METTL24: variants seen among roughly 807,000 people sequenced by gnomAD.
The protein encoded by METTL24 is probable methyltransferase-like protein 24.
In METTL24, 29 loss-of-function variants were observed where a neutral mutation model predicts 32.7. That is an observed-to-expected ratio of 0.89 (90% CI 0.66 to 1.21). The LOEUF is 1.21. Among genes scored for constraint, METTL24 ranks in the 50% most tolerant of loss-of-function variants. The pLI is 0.00. For synonymous variants in METTL24, 163 were observed against 179.5 expected (o/e 0.91, Z 0.73); for missense variants, 439 against 468.1 (o/e 0.94, Z 0.57).
At chr6:110,277,876 AC>A (rs1771073837) in intron 4 of METTL24, among the ~76,000 whole-genome samples, 1 of 152,108 alleles carries the variant, frequency 6.6e-6, no homozygotes, top group South Asian at 2.1e-4. Flanking sequence ...ATTCCAGCTT[AC>A]CCCCAAACAT....
chr6:110,307,485 T>C lies in METTL24; in HGVS notation c.557+7857A>G, dbSNP rs112465851. ...AGATCATATGGCTTCCATCTCAAGG[T>C]CTTAGACAACTAGTCCATTTTTTGC... On this transcript the variant is annotated intron_variant, in intron 3 of 4. Coordinates refer to ENST00000338882, the MANE Select transcript of METTL24 (RefSeq NM_001123364.3). Among the ~76,000 whole-genome samples the C allele has an allele frequency of 7.9e-3, 1,204 of 152,296 alleles. 22 individuals carry two copies. The highest frequency in any genetic ancestry group is 0.028 in the African/African-American group (1,152 of 41,576).
At chr6:110,295,790 AAAGAAAGGAAGGAAGG>A (rs1036032379) in intron 4 of METTL24, among the ~76,000 whole-genome samples, 9 of 94,414 alleles carry the variant, frequency 9.5e-5, no homozygotes, top group African/African-American at 6.2e-4. Flanking sequence ...GAAAAGAAAG[AAAGAAAGGAAGGAAGG>A]AAGGAAGGAA....
chr6:110,268,104 C>T (rs962084473), intron 4 of METTL24, among the ~76,000 whole-genome samples: 2 of 152,182 alleles, frequency 1.3e-5, no homozygotes, highest in African/African-American at 4.8e-5. Flanking sequence ...AGGCTAAACA[C>T]TACATGGAAT....
chr6:110,322,714 A>G, intron 2 of METTL24, 60 bp downstream of exon 2: 1 of 1,430,950 alleles, frequency 7.0e-7, no homozygotes, highest in Non-Finnish European at 9.7e-7. Context: ...TCCTTCTTTC[A>G]AAAGAGGCAA....
intron 4 of METTL24, among the ~76,000 whole-genome samples, chr6:110,289,622 C>A (rs1771283598): frequency 6.6e-6 from 1 of 151,788 alleles, no homozygotes; most frequent in South Asian, 2.1e-4. Context: ...AATGAAGAGA[C>A]AAGAAGGATA....
At chr6:110,313,314 C>T (rs886389194) in intron 3 of METTL24, among the ~76,000 whole-genome samples, 13 of 152,042 alleles carry the variant, frequency 8.6e-5, no homozygotes, top group African/African-American at 1.2e-4. Flanking sequence ...ATGCATGCTA[C>T]GCATGTAACA....
At chr6:110,282,936 T>C (rs1771163500) in intron 4 of METTL24, among the ~76,000 whole-genome samples, 3 of 152,174 alleles carry the variant, frequency 2.0e-5, no homozygotes, top group African/African-American at 7.2e-5. Flanking sequence ...GATTCTTTTT[T>C]ATAACATCAG....
At chr6:110,299,964 A>G (rs1229739319) in intron 3 of METTL24, among the ~76,000 whole-genome samples, 1 of 152,118 alleles carries the variant, frequency 6.6e-6, no homozygotes, top group African/African-American at 2.4e-5. Context: ...TACTGTACTC[A>G]TATGTGATTT....
intron 1 of METTL24, chr6:110,357,378 T>C (rs867899077): frequency 1.3e-5 from 2 of 152,172 alleles, no homozygotes; most frequent in African/African-American, 4.8e-5. Context: ...TAAGTGGGGC[T>C]GGGTGCTCGG....
At chr6:110,246,889 T>TA (rs1352530698) in intron 4 of METTL24, among the ~76,000 whole-genome samples, 1 of 150,772 alleles carries the variant, frequency 6.6e-6, no homozygotes, top group Non-Finnish European at 1.5e-5. Flanking sequence ...TATTGGACTA[T>TA]AAAAAAATAA....
rs17071480 is a variant in METTL24, at chr6:110,339,497, C to T, written c.319-16625G>A. On this transcript the variant is annotated intron_variant, in intron 1 of 4. Coordinates refer to ENST00000338882, the MANE Select transcript of METTL24 (RefSeq NM_001123364.3). ...ACTGCAAAAAAGAATAACAAAATCA[C>T]TAAAATCTGGAGGTGTTCTGCACTT... Among the ~76,000 whole-genome samples the T allele has an allele frequency of 1.9e-3, 292 of 152,284 alleles. 5 individuals carry two copies. The East Asian group carries it at 0.043, about 22-fold the overall frequency.
At chr6:110,332,444 A>G (rs142068580) in intron 1 of METTL24, 1 of 917,180 alleles carries the variant, frequency 1.1e-6, no homozygotes, top group Non-Finnish European at 1.3e-6. Context: ...ATATACCTAG[A>G]GTGGATCCAG....
chr6:110,263,725 A>G (rs1028358156), intron 4 of METTL24, among the ~76,000 whole-genome samples: 18 of 152,326 alleles, frequency 1.2e-4, no homozygotes, highest in African/African-American at 4.1e-4. Context: ...AAACTATACT[A>G]CAAGGCTACA....
intron 4 of METTL24, among the ~76,000 whole-genome samples, chr6:110,283,080 T>G (rs1417796468): frequency 6.6e-6 from 1 of 152,180 alleles, no homozygotes; most frequent in East Asian, 1.9e-4. Flanking sequence ...TTAAGCCAAA[T>G]GAGAAACTGA....
intron 3 of METTL24, among the ~76,000 whole-genome samples, chr6:110,312,947 C>T (rs77508912): frequency 0.018 from 2,755 of 152,280 alleles, 85 homozygotes; most frequent in African/African-American, 0.063. Context: ...AATTTTTGAG[C>T]GGTTAAATTC....
At chr6:110,264,807 T>C (rs113573249) in intron 4 of METTL24, among the ~76,000 whole-genome samples, 3,272 of 152,112 alleles carry the variant, frequency 0.022, 117 homozygotes, top group African/African-American at 0.075. Context: ...AAATGATGAG[T>C]TCATGTCCTT....
In METTL24 at chr6:110,248,139, G is replaced by A. The variant is rs371844493; in HGVS notation, c.787-1879C>T. ...CACCTCTTCGCCTTCCACCATGTTT[G>A]TAAGCTCCCTGAGGCCTCACCAGGA... On this transcript the variant is annotated intron_variant, in intron 4 of 4. Coordinates refer to ENST00000338882, the MANE Select transcript of METTL24 (RefSeq NM_001123364.3). Among the ~76,000 whole-genome samples the A allele has an allele frequency of 3.9e-5, 6 of 152,182 alleles. No individual in the cohort carries two copies. The East Asian group carries it at 7.7e-4, about 20-fold the overall frequency.
chr6:110,356,940 A>T (rs1772711517), intron 1 of METTL24, among the ~76,000 whole-genome samples: 1 of 152,226 alleles, frequency 6.6e-6, no homozygotes, highest in Admixed American at 6.5e-5. Context: ...TGTGGTGCTG[A>T]AAAGTAGGCT....
rs1489372551 is a variant in METTL24 at position 110,295,839 on chromosome 6, A to AAGGAAGGAAGGAAGGAAGGT, written c.786+3082_786+3083insACCTTCCTTCCTTCCTTCCT. On this transcript the variant is annotated intron_variant, in intron 4 of 4. Coordinates refer to ENST00000338882, the MANE Select transcript of METTL24 (RefSeq NM_001123364.3). ...GAAGGAAGGAAGGAAGGAAGGAAGG[A>AAGGAAGGAAGGAAGGAAGGT]AGGTTCTCTATAAAATGTACTAAAA... Among the ~76,000 whole-genome samples, 92 of 149,276 alleles carry AAGGAAGGAAGGAAGGAAGGT rather than the reference A, an allele frequency of 6.2e-4. 1 individual carries two copies. Among genetic ancestry groups the AAGGAAGGAAGGAAGGAAGGT allele is most frequent in the African/African-American group, 2.2e-3 (90 of 41,078 alleles).
Sources: gnomAD v4.1 joint callset for allele counts (sites outside exome capture counted in the v4.1 genomes callset) on GRCh38, gnomAD v4.1.1 for gene constraint, MANE v1.5 for transcripts, NCBI Gene and HGNC (gene_info 2026-07-23, HGNC 2026-07-21) for gene names.